UNC80: variants seen among roughly 807,000 people sequenced by gnomAD.
UNC80 encodes unc-80 subunit of NALCN channel complex, also known as protein unc-80 homolog.
UNC80 carries 164 observed loss-of-function variants against 384.6 expected under a neutral mutation model. The observed-to-expected ratio is 0.43, with a 90% CI of 0.38 to 0.49. The LOEUF (loss-of-function observed/expected upper bound fraction) is 0.49. Ranked by LOEUF, UNC80 falls within the 20% of genes least tolerant of loss-of-function variation. The pLI, the probability that UNC80 is intolerant of heterozygous loss-of-function variation, is 0.00. For synonymous variants in UNC80, 1,486 were observed against 1,527.8 expected, an observed-to-expected ratio of 0.97 and a Z score of 0.64; for missense variants, 3,330 against 4,143.0, an observed-to-expected ratio of 0.80 and a Z score of 5.39.
In UNC80 at chr2:209,994,261, G is replaced by C; in HGVS notation, c.9705G>C (p.Lys3235Asn). Residue 3235 changes from lysine (K) to asparagine (N), a missense_variant, in exon 64 of 65, where the codon AAG becomes AAC. Coordinates refer to ENST00000673920, the MANE Select transcript of UNC80 (RefSeq NM_001371986.1). ...VVADLHSVSP[K>N]QSENFPTEEG... is the part of the protein sequence containing the mutation. ...CGGATCTCCACAGCGTGTCTCCCAA[G>C]CAGGTGAGGGCACTAGAGAAACAGG... The C allele has an allele frequency of 6.5e-7, 1 of 1,548,088 alleles. No individual in the cohort carries two copies. Among genetic ancestry groups the C allele is most frequent in the Non-Finnish European group, 8.7e-7 (1 of 1,145,202 alleles).
chr2:209,881,776 C>T (rs2085314567), intron 25 of UNC80, among the ~76,000 whole-genome samples: 1 of 152,062 alleles, frequency 6.6e-6, no homozygotes, highest in South Asian at 2.1e-4. Context: ...ACGGGGCACA[C>T]CTTGGAGTCA....
At chr2:209,795,047 TG>T in intron 7 of UNC80, 1 of 213,650 alleles carries the variant, frequency 4.7e-6, no homozygotes, top group African/African-American at 2.4e-5. Flanking sequence ...CAGGGAAGTG[TG>T]GAAAAGTTTG....
At chr2:209,778,073 T>C (rs2076962607) in intron 4 of UNC80, among the ~76,000 whole-genome samples, 1 of 152,194 alleles carries the variant, frequency 6.6e-6, no homozygotes, top group African/African-American at 2.4e-5. Flanking sequence ...CTTTGCATTT[T>C]TATAGCATCT....
Position 209,917,912 on chromosome 2 carries a change from A to C in UNC80, c.5165A>C (p.Tyr1722Ser), listed in dbSNP as rs1270311643. The change falls in exon 32 of 65, where the codon TAT becomes TCT. Residue 1722 changes from tyrosine to serine, a missense_variant. By Grantham distance (144) the Tyr-to-Ser change is moderately radical (BLOSUM62 -2). Coordinates refer to ENST00000673920, the MANE Select transcript of UNC80 (RefSeq NM_001371986.1). ...TTCCACACGCTCTGGAGGTTTCGCTATCAGGTCTGGCCCCGGATGGAGGAA... is the reference window on the plus strand; with the variant it reads ...TTCCACACGCTCTGGAGGTTTCGCTCTCAGGTCTGGCCCCGGATGGAGGAA... ...LKFHTLWRFR[Y>S]QVWPRMEEGA... The C allele has an allele frequency of 5.8e-6, 9 of 1,551,610 alleles. No individual in the cohort carries two copies. Among genetic ancestry groups the C allele is most frequent in the Middle Eastern group, 1.7e-4 (1 of 6,014 alleles).
At chr2:209,795,797 C>G (rs2078116643) in intron 7 of UNC80, 1 of 152,246 alleles carries the variant, frequency 6.6e-6, no homozygotes, top group Non-Finnish European at 1.5e-5. Flanking sequence ...GAACCTCCGC[C>G]TATATTTCAG....
chr2:209,799,464 T>C (rs1335206511), intron 7 of UNC80, among the ~76,000 whole-genome samples: 1 of 152,100 alleles, frequency 6.6e-6, no homozygotes, highest in Non-Finnish European at 1.5e-5. Context: ...GTTCAAGAAG[T>C]TTTTGGGCTG....
chr2:209,827,129 T>A (rs2080586733), intron 14 of UNC80, among the ~76,000 whole-genome samples: 1 of 152,158 alleles, frequency 6.6e-6, no homozygotes, highest in Non-Finnish European at 1.5e-5. Flanking sequence ...TTGACCAAGA[T>A]CTAGATTTTG....
intron 51 of UNC80, among the ~76,000 whole-genome samples, chr2:209,962,929 C>T (rs1348010980): frequency 1.3e-5 from 2 of 152,088 alleles, no homozygotes; most frequent in African/African-American, 2.4e-5. Context: ...GATAATGTCA[C>T]CCAAGGATGA....
At chr2:209,796,821 T>A (rs1424205305) in intron 7 of UNC80, among the ~76,000 whole-genome samples, 1 of 152,178 alleles carries the variant, frequency 6.6e-6, no homozygotes, top group Admixed American at 6.5e-5. Flanking sequence ...TATTCCCAGT[T>A]TCAGGTATTT....
chr2:209,956,781 T>C (rs2092434561), intron 48 of UNC80, among the ~76,000 whole-genome samples: 2 of 152,098 alleles, frequency 1.3e-5, no homozygotes, highest in South Asian at 4.1e-4. Context: ...CTCCCCCTTT[T>C]TGCCGTATAA....
At chr2:209,900,996 A>T (rs2087335906) in intron 28 of UNC80, among the ~76,000 whole-genome samples, 1 of 152,198 alleles carries the variant, frequency 6.6e-6, no homozygotes, top group African/African-American at 2.4e-5. Context: ...AGGTTGCTTC[A>T]TGAGGTTGAA....
intron 14 of UNC80, among the ~76,000 whole-genome samples, chr2:209,827,728 G>T (rs1323387241): frequency 6.6e-6 from 1 of 152,032 alleles, no homozygotes; most frequent in Non-Finnish European, 1.5e-5. Flanking sequence ...CTCTACCATT[G>T]GCCTTTCAGA....
intron 27 of UNC80, among the ~76,000 whole-genome samples, chr2:209,894,985 T>G (rs574688730): frequency 2.0e-5 from 3 of 152,336 alleles, no homozygotes; most frequent in Admixed American, 2.0e-4. Flanking sequence ...GAATAATTCT[T>G]GCCTACAATG....
intron 48 of UNC80, among the ~76,000 whole-genome samples, chr2:209,955,443 T>C (rs1010506787): frequency 2.0e-5 from 3 of 151,902 alleles, no homozygotes; most frequent in Non-Finnish European, 4.4e-5. Context: ...TCCTGAAATG[T>C]TCATATGCAC....
intron 7 of UNC80, among the ~76,000 whole-genome samples, chr2:209,812,141 C>T (rs368301592): frequency 6.6e-6 from 1 of 152,108 alleles, no homozygotes; most frequent in Non-Finnish European, 1.5e-5. Context: ...GCTCCGCCTC[C>T]CGGGTTCACG....
chr2:209,863,830 A>G (rs963181907), intron 22 of UNC80, among the ~76,000 whole-genome samples: 1 of 151,690 alleles, frequency 6.6e-6, no homozygotes, highest in African/African-American at 2.4e-5. Context: ...TCTGAAGCCT[A>G]CTTCTGTCAA....
At chr2:209,991,559 G>A (rs550009989) in intron 61 of UNC80, among the ~76,000 whole-genome samples, 2 of 152,062 alleles carry the variant, frequency 1.3e-5, no homozygotes, top group Admixed American at 6.5e-5. Flanking sequence ...TGTAATGATA[G>A]CTTAACTATA....
chr2:209,904,644 C>G lies in UNC80; in HGVS notation c.4582-121C>G, dbSNP rs1000093295. ...TCCTTTGGGAATTATTGGACCATTG[C>G]GATTTCAAGACACATCCAGGGAAGC... On this transcript the variant is annotated intron_variant, in intron 28 of 64. Transcript: ENST00000673920. The G allele has an allele frequency of 4.8e-6, 4 of 834,258 alleles. No homozygotes were observed. In the Admixed American group the frequency reaches 8.6e-5, roughly 18 times the overall value. 51.7% of individuals were successfully genotyped at this position (834,258 alleles called of 1,614,324 possible). A position where few individuals can be genotyped will look rare whatever the true frequency, so the allele number is the denominator to read the frequency against.
At chr2:209,833,868 A>G in intron 16 of UNC80, 134 bp from the exon 17 acceptor site, 1 of 810,106 alleles carries the variant, frequency 1.2e-6, no homozygotes, top group South Asian at 1.9e-5. Flanking sequence ...TTTCATCAAT[A>G]GTAAACTGTC....
Sources: gnomAD v4.1 joint callset for allele counts (sites outside exome capture counted in the v4.1 genomes callset) on GRCh38, gnomAD v4.1.1 for gene constraint, MANE v1.5 for transcripts, NCBI Gene and HGNC (gene_info 2026-07-23, HGNC 2026-07-21) for gene names.